Variants in ADARB1 observed in about 807,000 individuals in gnomAD.
ADARB1 encodes double-stranded RNA-specific editase 1.
Under a neutral mutation model 52.4 loss-of-function variants are expected in ADARB1, and 10 were observed. That is an observed-to-expected ratio of 0.19 (90% CI 0.12 to 0.32). The LOEUF is 0.32. Ranked by LOEUF, ADARB1 falls within the 10% of genes least tolerant of loss-of-function variation. ADARB1 has a pLI of 1.00. For synonymous variants in ADARB1, 349 were observed against 371.1 expected, an observed-to-expected ratio of 0.94 and a Z score of 0.68; for missense variants, 643 against 922.3, an observed-to-expected ratio of 0.70 and a Z score of 3.92.
chr21:45,102,548 G>A (rs1319994523), intron 1 of ADARB1, among the ~76,000 whole-genome samples: 1 of 152,220 alleles, frequency 6.6e-6, no homozygotes. Context: ...CCAAGGAAAT[G>A]GCAAGGAAAT....
rs555972794 is a variant in ADARB1 at position 45,138,331 on chromosome 21, A to G, written c.-48+9758A>G. On this transcript the variant is annotated intron_variant, in intron 2 of 10. Transcript: ENST00000348831. ...CTGGGTGAAGGTCACAGCATGACTC[A>G]CAGTATCTTACACACCTTGGATGTA... 9.8e-5 allele frequency among the ~76,000 whole-genome samples: 15 copies of G among 152,352 alleles called. No homozygotes were observed. In the South Asian group the frequency reaches 2.7e-3, roughly 27 times the overall value.
chr21:45,088,662 A>G (rs1156374487), intron 1 of ADARB1, among the ~76,000 whole-genome samples: 1 of 152,198 alleles, frequency 6.6e-6, no homozygotes, highest in Non-Finnish European at 1.5e-5. Context: ...CAGAGTTTGG[A>G]GAGAAACAGG....
intron 3 of ADARB1, among the ~76,000 whole-genome samples, chr21:45,174,563 C>A (rs1421989140): frequency 6.6e-6 from 1 of 152,008 alleles, no homozygotes; most frequent in Non-Finnish European, 1.5e-5. Context: ...ATTAGCCGGG[C>A]ATGGTAGCCC....
At chr21:45,112,769 C>T (rs1198013207) in intron 1 of ADARB1, among the ~76,000 whole-genome samples, 1 of 152,016 alleles carries the variant, frequency 6.6e-6, no homozygotes, top group Non-Finnish European at 1.5e-5. Context: ...AGTGAAAGGG[C>T]CTGCAATTAT....
At chr21:45,120,200 G>A (rs1004743797) in intron 1 of ADARB1, among the ~76,000 whole-genome samples, 1 of 152,208 alleles carries the variant, frequency 6.6e-6, no homozygotes, top group Non-Finnish European at 1.5e-5. Flanking sequence ...AAAGGATTGG[G>A]TTTTGGGTCA....
chr21:45,176,367 C>G lies in ADARB1; in HGVS notation c.666C>G (p.Leu222=). The G allele has an allele frequency of 6.2e-7, 1 of 1,614,196 alleles. No individual in the cohort carries two copies. Among genetic ancestry groups the G allele is most frequent in the East Asian group, 2.2e-5 (1 of 44,876 alleles). ...CTGCCAGCCTAGCCCAGCCTCCTCTCCCTGTCTTACCACCATTCCCACCCC... is the reference window on the plus strand; with the variant it reads ...CTGCCAGCCTAGCCCAGCCTCCTCTGCCTGTCTTACCACCATTCCCACCCC... The part of the protein sequence containing the change: ...PVPASLAQPP[L]PVLPPFPPPS... The change falls in exon 4 of 11, where the codon CTC becomes CTG. Residue 222 remains leucine (L), a synonymous_variant. Transcript: ENST00000348831. The surrounding 1 kb of genome is among the most constrained non-coding windows in gnomAD (Gnocchi z 5.8).
Position 45,128,051 on chromosome 21 carries a change from G to T in ADARB1, c.-219-351G>T, listed in dbSNP as rs956147930. Among the ~76,000 whole-genome samples, 1 of 152,132 alleles carries T rather than the reference G, an allele frequency of 6.6e-6. No homozygotes were observed. The highest frequency in any genetic ancestry group is 1.9e-4 in the East Asian group (1 of 5,170). On this transcript the variant is annotated intron_variant, in intron 1 of 10. Coordinates refer to ENST00000348831, the MANE Select transcript of ADARB1 (RefSeq NM_001112.4). This position sits in a 1 kb window ranked among gnomAD's most constrained non-coding sequence, Gnocchi z 4.6. ...TTCACATGTGTGCATGTGTAGGGGT[G>T]TGTGCATATTGAATTGTAAAAAAGA...
chr21:45,208,080 T>C lies in ADARB1; in HGVS notation c.1747+3344T>C, dbSNP rs1426859245. On this transcript the variant is annotated intron_variant, in intron 9 of 10. Transcript: ENST00000348831. This position sits in a 1 kb window ranked among gnomAD's most constrained non-coding sequence, Gnocchi z 5.6. ...GGAAGTCTCTCGAGCTTTCTCAGAC[T>C]TTCTCTCAAATGAGTTTCACATCCA... Among the ~76,000 whole-genome samples the C allele has an allele frequency of 6.6e-6, 1 of 152,230 alleles. No homozygotes were observed. The highest frequency in any genetic ancestry group is 2.1e-4 in the South Asian group (1 of 4,830).
chr21:45,215,527 T>G (rs937445470), intron 9 of ADARB1, among the ~76,000 whole-genome samples: 1 of 152,148 alleles, frequency 6.6e-6, no homozygotes, highest in African/African-American at 2.4e-5. Flanking sequence ...ACTTGGGAAC[T>G]AAGGCAGGAG....
chr21:45,141,841 C>T (rs142822481), intron 2 of ADARB1, among the ~76,000 whole-genome samples: 15 of 152,078 alleles, frequency 9.9e-5, no homozygotes, highest in South Asian at 4.2e-4. Context: ...ATCCCTGGGT[C>T]GCCTTAGCCA....
intron 2 of ADARB1, among the ~76,000 whole-genome samples, chr21:45,129,061 T>C (rs981739783): frequency 6.6e-6 from 1 of 152,014 alleles, no homozygotes; most frequent in South Asian, 2.1e-4. Flanking sequence ...CGAAACCCCA[T>C]CTCTACCAAA....
At chr21:45,159,419 G>A (rs969422829) in intron 2 of ADARB1, among the ~76,000 whole-genome samples, 1 of 152,198 alleles carries the variant, frequency 6.6e-6, no homozygotes, top group African/African-American at 2.4e-5. Context: ...GACGAGATTT[G>A]GGTGGGGACA....
Position 45,128,861 on chromosome 21 carries a change from G to A in ADARB1, c.-48+288G>A, listed in dbSNP as rs148860560. ...TGTGTGGCACTTGCTGCCCTCTTTG[G>A]GGTCAGTTCACCATTTATTGAGTCA... On this transcript the variant is annotated intron_variant, in intron 2 of 10. Coordinates refer to ENST00000348831, the MANE Select transcript of ADARB1 (RefSeq NM_001112.4). The surrounding 1 kb of genome is among the most constrained non-coding windows in gnomAD (Gnocchi z 4.6). Among the ~76,000 whole-genome samples, 996 of 152,250 alleles carry A rather than the reference G, an allele frequency of 6.5e-3. 4 individuals carry two copies. Among genetic ancestry groups the A allele is most frequent in the Non-Finnish European group, 0.011 (742 of 68,018 alleles).
chr21:45,177,110 C>T (rs1268044832), intron 4 of ADARB1: 4 of 158,456 alleles, frequency 2.5e-5, no homozygotes, highest in Admixed American at 1.8e-4. Context: ...GACACCAGCC[C>T]GTCAGCAGCT....
At chr21:45,187,819 A>G (rs200188012) in intron 8 of ADARB1, among the ~76,000 whole-genome samples, 1 of 152,062 alleles carries the variant, frequency 6.6e-6, no homozygotes, top group African/African-American at 2.4e-5. Context: ...GTATTAATTG[A>G]TTTTCATATG....
At chr21:45,185,187 G>A in intron 8 of ADARB1, 96 bp downstream of exon 8, 1 of 1,474,406 alleles carries the variant, frequency 6.8e-7, no homozygotes, top group Non-Finnish European at 9.2e-7. Flanking sequence ...TTGAATTTTG[G>A]CCCCATTTCC....
In ADARB1 at chr21:45,128,929, A is replaced by T. The variant is rs187723201; in HGVS notation, c.-48+356A>T. 6.3e-3 allele frequency among the ~76,000 whole-genome samples: 954 copies of T among 152,280 alleles called. 9 individuals are homozygous for T. Among genetic ancestry groups the T allele is most frequent in the Middle Eastern group, 0.027 (8 of 294 alleles). On this transcript the variant is annotated intron_variant, in intron 2 of 10. Coordinates refer to ENST00000348831, the MANE Select transcript of ADARB1 (RefSeq NM_001112.4). The surrounding 1 kb of genome is among the most constrained non-coding windows in gnomAD (Gnocchi z 4.6). Reference sequence around the variant, plus strand: ...CTAGACTTGGTGAAAGCCTTTTACCATCAATTATTATTTTCTTAGGAGTAA... The same window carrying T: ...CTAGACTTGGTGAAAGCCTTTTACCTTCAATTATTATTTTCTTAGGAGTAA...
Position 45,177,455 on chromosome 21 carries a change from T to A in ADARB1, c.963+791T>A, listed in dbSNP as rs542250445. The A allele has an allele frequency of 2.0e-5, 3 of 152,380 alleles. No individual in the cohort carries two copies. In the East Asian group the frequency reaches 5.8e-4, roughly 29 times the overall value. The allele number at this position is 152,380 out of a possible 1,614,324, so 9.4% of individuals were successfully genotyped here. On this transcript the variant is annotated intron_variant, in intron 4 of 10. Coordinates refer to ENST00000348831, the MANE Select transcript of ADARB1 (RefSeq NM_001112.4). ...GGGAAGTTCCAGGGTGGGCTTAGAT[T>A]GGCTTACGTGAAAGAGAAAAAGTAA... is the stretch of plus-strand genomic sequence containing the variant.
At chr21:45,118,950 C>T (rs1174466294) in intron 1 of ADARB1, among the ~76,000 whole-genome samples, 1 of 152,186 alleles carries the variant, frequency 6.6e-6, no homozygotes, top group African/African-American at 2.4e-5. Flanking sequence ...TCTGCTAAAT[C>T]CCTCTGTAAA....
Sources: allele counts gnomAD v4.1 joint callset (sites outside exome capture counted in the v4.1 genomes callset), GRCh38; gene constraint gnomAD v4.1.1; non-coding constraint Gnocchi (gnomAD v3.1); transcripts MANE v1.5; gene names NCBI Gene and HGNC (gene_info 2026-07-23, HGNC 2026-07-21).